PRKCA: variants seen among roughly 807,000 people sequenced by gnomAD.
PRKCA encodes the protein protein kinase C alpha, also known as protein kinase C alpha type.
Under a neutral mutation model 87.0 loss-of-function variants are expected in PRKCA, and 27 were observed. The ratio of observed to expected loss-of-function variants is 0.31; its 90% CI spans 0.23 to 0.43. PRKCA has a LOEUF of 0.43. Among genes scored for constraint, PRKCA ranks in the 20% least tolerant of loss-of-function variants. The pLI, the probability that PRKCA is intolerant of heterozygous loss-of-function variation, is 1.00. For synonymous variants in PRKCA, 329 were observed against 311.1 expected (o/e 1.06, Z -0.61); for missense variants, 518 against 852.3 (o/e 0.61, Z 4.88).
At chr17:66,388,331 C>G (rs1366039009) in intron 2 of PRKCA, among the ~76,000 whole-genome samples, 2 of 151,010 alleles carry the variant, frequency 1.3e-5, no homozygotes, top group Non-Finnish European at 2.9e-5. Context: ...TTTTGCTCTT[C>G]TTGCCCAGAC....
chr17:66,679,200 A>G lies in PRKCA; in HGVS notation c.530-7911A>G, dbSNP rs549045549. ...TTTTTTTTTTTTTTTTTTTTCTTTGAGACAGAGTCTTGCTCTGTCACCCAG... is the reference window on the plus strand; with the variant it reads ...TTTTTTTTTTTTTTTTTTTTCTTTGGGACAGAGTCTTGCTCTGTCACCCAG... On this transcript the variant is annotated intron_variant, in intron 5 of 16. Coordinates refer to ENST00000413366, the MANE Select transcript of PRKCA (RefSeq NM_002737.3). 3.0e-5 allele frequency among the ~76,000 whole-genome samples: 4 copies of G among 132,584 alleles called. No homozygotes were observed. The East Asian group carries it at 9.0e-4, about 30-fold the overall frequency. 87.0% of individuals were successfully genotyped at this position (132,584 alleles called of 152,430 possible). A position where few individuals can be genotyped will look rare whatever the true frequency, so the allele number is the denominator to read the frequency against.
At chr17:66,725,093 T>C (rs1363075304) in intron 8 of PRKCA, among the ~76,000 whole-genome samples, 1 of 152,140 alleles carries the variant, frequency 6.6e-6, no homozygotes, top group East Asian at 1.9e-4. Flanking sequence ...ACTAGTCTCG[T>C]GTGGCCTCTG....
At chr17:66,629,137 C>T (rs1763646906) in intron 3 of PRKCA, among the ~76,000 whole-genome samples, 1 of 152,042 alleles carries the variant, frequency 6.6e-6, no homozygotes, top group South Asian at 2.1e-4. Flanking sequence ...TTCGGAGGTA[C>T]CTAAAGAGAC....
At chr17:66,420,824 A>G (rs1425007313) in intron 2 of PRKCA, among the ~76,000 whole-genome samples, 3 of 152,202 alleles carry the variant, frequency 2.0e-5, no homozygotes, top group African/African-American at 7.2e-5. Context: ...AGTCAAATCA[A>G]TGTTCTCTTT....
intron 2 of PRKCA, 122 bp downstream of exon 2, chr17:66,306,249 TATG>T: frequency 9.3e-7 from 1 of 1,069,746 alleles, no homozygotes; most frequent in East Asian, 2.6e-5. Flanking sequence ...AATTTTGAAA[TATG>T]AGGGCTGTAA....
In PRKCA at chr17:66,801,832, C is replaced by T. The variant is rs185262729; in HGVS notation, c.1855-2041C>T. 6.2e-4 allele frequency among the ~76,000 whole-genome samples: 94 copies of T among 152,340 alleles called. No homozygotes were observed. In the East Asian group the frequency reaches 0.017, roughly 28 times the overall value. ...ACAGGCAGCCCCTGCCTCTCATCCC[C>T]TCTGCCCCACCACACACATCACCCA... On this transcript the variant is annotated intron_variant, in intron 16 of 16. Coordinates refer to ENST00000413366, the MANE Select transcript of PRKCA (RefSeq NM_002737.3).
At chr17:66,765,449 T>TATATATATCC (rs1974787832) in intron 13 of PRKCA, among the ~76,000 whole-genome samples, 1 of 140,210 alleles carries the variant, frequency 7.1e-6, no homozygotes, top group Non-Finnish European at 1.5e-5. Context: ...TATATATATA[T>TATATATATCC]ATATATCCAT....
At chr17:66,461,438 G>A (rs1366173893) in intron 2 of PRKCA, among the ~76,000 whole-genome samples, 1 of 152,096 alleles carries the variant, frequency 6.6e-6, no homozygotes, top group Non-Finnish European at 1.5e-5. Context: ...TTCTATAGTG[G>A]AGTGCCCGTG....
chr17:66,310,749 C>A (rs193145376), intron 2 of PRKCA, among the ~76,000 whole-genome samples: 1 of 152,250 alleles, frequency 6.6e-6, no homozygotes, highest in East Asian at 1.9e-4. Flanking sequence ...AGGAAGGTGG[C>A]CTTTAAACAG....
intron 3 of PRKCA, among the ~76,000 whole-genome samples, chr17:66,559,633 A>T (rs987854627): frequency 2.6e-5 from 4 of 151,264 alleles, no homozygotes; most frequent in Non-Finnish European, 2.9e-5. Flanking sequence ...TTTTTTTTTT[A>T]AGAATTTTGA....
chr17:66,777,135 C>A, intron 14 of PRKCA: 1 of 801,486 alleles, frequency 1.2e-6, no homozygotes, highest in Non-Finnish European at 1.5e-6. Context: ...GGTCGCCTGA[C>A]ATTCCTGGTG....
intron 2 of PRKCA, among the ~76,000 whole-genome samples, chr17:66,403,212 A>G (rs548976475): frequency 1.3e-5 from 2 of 152,296 alleles, no homozygotes; most frequent in African/African-American, 2.4e-5. Flanking sequence ...AATTGTTGCA[A>G]TGTGGTTTAA....
intron 3 of PRKCA, among the ~76,000 whole-genome samples, chr17:66,506,347 CCCTATTT>C (rs1419841936): frequency 1.3e-5 from 2 of 151,542 alleles, no homozygotes; most frequent in Non-Finnish European, 2.9e-5. Context: ...CATAGCGAGA[CCCTATTT>C]CTTAAATTAA....
At chr17:66,635,586 C>T (rs1218037565) in intron 3 of PRKCA, among the ~76,000 whole-genome samples, 1 of 152,218 alleles carries the variant, frequency 6.6e-6, no homozygotes, top group African/African-American at 2.4e-5. Flanking sequence ...CATCCTCCCA[C>T]GACTCCTTAA....
intron 13 of PRKCA, among the ~76,000 whole-genome samples, chr17:66,757,571 G>GAAAAA (rs35540620): frequency 1.7e-5 from 2 of 116,990 alleles, no homozygotes; most frequent in Non-Finnish European, 3.6e-5. Context: ...GCTTTGGGAG[G>GAAAAA]AAAAAAAAAA....
chr17:66,396,943 T>G (rs1466322186), intron 2 of PRKCA, among the ~76,000 whole-genome samples: 1 of 142,380 alleles, frequency 7.0e-6, no homozygotes, highest in Non-Finnish European at 1.5e-5. Context: ...AATCATTCAG[T>G]CAAACAATCA....
intron 3 of PRKCA, among the ~76,000 whole-genome samples, chr17:66,574,241 G>T (rs1969160046): frequency 6.6e-6 from 1 of 152,114 alleles, no homozygotes; most frequent in Non-Finnish European, 1.5e-5. Context: ...TATTTATAAG[G>T]GTGTTTGTGT....
At chr17:66,743,015 T>G (rs1974191272) in intron 13 of PRKCA, among the ~76,000 whole-genome samples, 2 of 152,178 alleles carry the variant, frequency 1.3e-5, no homozygotes, top group South Asian at 4.1e-4. Flanking sequence ...ATTTGTTACA[T>G]GGTCATGGTC....
intron 5 of PRKCA, among the ~76,000 whole-genome samples, chr17:66,670,854 T>C (rs148165051): frequency 0.056 from 8,565 of 151,824 alleles, 800 homozygotes; most frequent in African/African-American, 0.19. Context: ...AGAGTGAGAC[T>C]CTATCTCAAA....
Sources: allele counts gnomAD v4.1 joint callset (sites outside exome capture counted in the v4.1 genomes callset), GRCh38; gene constraint gnomAD v4.1.1; transcripts MANE v1.5; gene names NCBI Gene and HGNC (gene_info 2026-07-23, HGNC 2026-07-21).